Variants in GALNT7 observed in about 807,000 individuals in gnomAD.
The protein encoded by GALNT7 is N-acetylgalactosaminyltransferase 7.
GALNT7 carries 60 observed loss-of-function variants against 82.1 expected under a neutral mutation model. That is an observed-to-expected ratio of 0.73 (90% CI 0.59 to 0.91). The LOEUF (loss-of-function observed/expected upper bound fraction) is 0.91. Ranked by LOEUF, GALNT7 falls within the 40% of genes least tolerant of loss-of-function variation. The pLI, the probability that GALNT7 is intolerant of heterozygous loss-of-function variation, is 0.00. For missense variants in GALNT7, 660 were observed against 804.2 expected (o/e 0.82, Z 2.17); for synonymous variants, 243 against 275.1 (o/e 0.88, Z 1.15).
chr4:173,317,593 A>G, intron 9 of GALNT7, 41 bp from the exon 10 acceptor site: 1 of 1,227,832 alleles, frequency 8.1e-7, no homozygotes, highest in African/African-American at 1.5e-5. Flanking sequence ...ATCAAAAACT[A>G]AACTGTTGCC....
rs747638686 is a variant in GALNT7, at chr4:173,302,195, C to T, written c.1266+31C>T. ...ATTTTATTTCAACAGATGGAATTCT[C>T]CAAGTCGTTACTAACTTCTGTGGCT... On this transcript the variant is annotated intron_variant, in intron 7 of 11. Coordinates refer to ENST00000265000, the MANE Select transcript of GALNT7 (RefSeq NM_017423.3). This position sits in a 1 kb window ranked among gnomAD's most constrained non-coding sequence, Gnocchi z 4.2. 1.2e-5 allele frequency: 12 copies of T among 967,578 alleles called. No individual in the cohort carries two copies. In the Admixed American group the frequency reaches 1.9e-4, roughly 15 times the overall value. 59.9% of individuals were successfully genotyped at this position (967,578 alleles called of 1,614,324 possible).
At chr4:173,294,061 A>G (rs1736632152) in intron 3 of GALNT7, among the ~76,000 whole-genome samples, 1 of 152,220 alleles carries the variant, frequency 6.6e-6, no homozygotes, top group Non-Finnish European at 1.5e-5. Flanking sequence ...GTGAAATACA[A>G]GGAAGCCAGA....
Position 173,189,914 on chromosome 4 carries a change from C to G in GALNT7, c.126+20953C>G, listed in dbSNP as rs143195449. On this transcript the variant is annotated intron_variant, in intron 1 of 11. Transcript: ENST00000265000. ...GTTGATTCTGTTGACTCTGTGTGAA[C>G]TTTAAGGGATAGTAAATATTTGAAG... Among the ~76,000 whole-genome samples, 314 of 151,876 alleles carry G rather than the reference C, an allele frequency of 2.1e-3. 2 individuals carry two copies. The highest frequency in any genetic ancestry group is 7.1e-3 in the African/African-American group (295 of 41,426).
At chr4:173,235,556 C>CTTTTTTTTTTTTTTT in intron 1 of GALNT7, among the ~76,000 whole-genome samples, 1 of 140,796 alleles carries the variant, frequency 7.1e-6, no homozygotes, top group Non-Finnish European at 1.5e-5. Flanking sequence ...CTTTTCTTTT[C>CTTTTTTTTTTTTTTT]TTTTTTTTTT....
chr4:173,201,377 T>A (rs1244464691), intron 1 of GALNT7, among the ~76,000 whole-genome samples: 1 of 152,204 alleles, frequency 6.6e-6, no homozygotes, highest in East Asian at 1.9e-4. Flanking sequence ...TAGGTCCAAA[T>A]ATATAAACCT....
chr4:173,185,988 C>T (rs965447182), intron 1 of GALNT7, among the ~76,000 whole-genome samples: 1 of 152,104 alleles, frequency 6.6e-6, no homozygotes, highest in Non-Finnish European at 1.5e-5. Flanking sequence ...CTTATGAGAG[C>T]TTGGGCATAG....
intron 1 of GALNT7, among the ~76,000 whole-genome samples, chr4:173,174,997 G>A (rs1438712072): frequency 6.6e-6 from 1 of 152,156 alleles, no homozygotes; most frequent in East Asian, 1.9e-4. Flanking sequence ...AATAATTCAC[G>A]AATGAAAAGC....
At chr4:173,232,542 C>T (rs1054210081) in intron 1 of GALNT7, among the ~76,000 whole-genome samples, 1 of 151,944 alleles carries the variant, frequency 6.6e-6, no homozygotes, top group African/African-American at 2.4e-5. Flanking sequence ...AAGCAATCCT[C>T]CCACCTCAGC....
intron 1 of GALNT7, among the ~76,000 whole-genome samples, chr4:173,229,514 G>A (rs966335614): frequency 3.3e-5 from 5 of 152,148 alleles, no homozygotes; most frequent in African/African-American, 1.2e-4. Flanking sequence ...CCTCGACCTA[G>A]AGAGAGTATA....
At position 173,295,081 on chromosome 4, in the gene GALNT7, C is replaced by G. The variant is rs140645484; in HGVS notation, c.755-315C>G. Reference sequence around the variant, plus strand: ...GCAAACAAAATGTTGTTCCTGAAAGCGTTCAGATTTGACATTAACATGTGA... The same window carrying G: ...GCAAACAAAATGTTGTTCCTGAAAGGGTTCAGATTTGACATTAACATGTGA... On this transcript the variant is annotated intron_variant, in intron 3 of 11. Transcript: ENST00000265000. Among the ~76,000 whole-genome samples the G allele has an allele frequency of 2.6e-3, 390 of 152,208 alleles. 3 individuals carry two copies. The highest frequency in any genetic ancestry group is 3.9e-3 in the Non-Finnish European group (266 of 68,008).
intron 8 of GALNT7, among the ~76,000 whole-genome samples, chr4:173,307,661 G>A (rs1297859841): frequency 6.6e-6 from 1 of 152,220 alleles, no homozygotes; most frequent in East Asian, 1.9e-4. Context: ...CCAGGGCCTG[G>A]AGATGGGGCA....
At chr4:173,308,244 G>A (rs1737232606) in intron 8 of GALNT7, among the ~76,000 whole-genome samples, 1 of 152,142 alleles carries the variant, frequency 6.6e-6, no homozygotes, top group Admixed American at 6.5e-5. Flanking sequence ...ATAAAGGCTG[G>A]TGTCTCCTAC....
intron 1 of GALNT7, among the ~76,000 whole-genome samples, chr4:173,180,334 T>TG (rs1435710467): frequency 6.7e-6 from 1 of 148,344 alleles, no homozygotes; most frequent in East Asian, 1.9e-4. Flanking sequence ...TCCTTTTTTT[T>TG]TTTTTTTTTT....
intron 1 of GALNT7, among the ~76,000 whole-genome samples, chr4:173,202,759 A>G: frequency 6.6e-6 from 1 of 152,210 alleles, no homozygotes; most frequent in East Asian, 1.9e-4. Context: ...TAGCAGCTCC[A>G]TGAGATACAT....
chr4:173,271,681 T>C (rs1420926880), intron 2 of GALNT7, among the ~76,000 whole-genome samples: 12 of 152,118 alleles, frequency 7.9e-5, no homozygotes, highest in Non-Finnish European at 1.5e-4. Flanking sequence ...AGTCTCGAAC[T>C]CCTAACCTCA....
In GALNT7 at chr4:173,178,005, GTC is replaced by G. The variant is rs1191500538; in HGVS notation, c.126+9046_126+9047del. On this transcript the variant is annotated intron_variant, in intron 1 of 11. Transcript: ENST00000265000. ...CCTTTCCACCTCTCCCTATCCGCAA[GTC>G]TGTGTGTGTGTGTGTGTGTGTGTGT... 8.7e-5 allele frequency among the ~76,000 whole-genome samples: 10 copies of G among 114,722 alleles called. No individual in the cohort carries two copies. The South Asian group carries it at 1.4e-3, about 16-fold the overall frequency. 75.3% of individuals were successfully genotyped at this position (114,722 alleles called of 152,430 possible).
intron 1 of GALNT7, among the ~76,000 whole-genome samples, chr4:173,173,531 G>T (rs953552109): frequency 6.6e-6 from 1 of 152,168 alleles, no homozygotes; most frequent in African/African-American, 2.4e-5. Context: ...TCCACAGACT[G>T]GGGGAGTTGG....
chr4:173,302,187 G>A lies in GALNT7; in HGVS notation c.1266+23G>A. The A allele has an allele frequency of 9.8e-7, 1 of 1,019,050 alleles. No homozygotes were observed. The highest frequency in any genetic ancestry group is 1.6e-6 in the Non-Finnish European group (1 of 638,398). 63.1% of individuals were successfully genotyped at this position (1,019,050 alleles called of 1,614,324 possible). A position where few individuals can be genotyped will look rare whatever the true frequency, so the allele number is the denominator to read the frequency against. On this transcript the variant is annotated intron_variant, in intron 7 of 11. Coordinates refer to ENST00000265000, the MANE Select transcript of GALNT7 (RefSeq NM_017423.3). This position sits in a 1 kb window ranked among gnomAD's most constrained non-coding sequence, Gnocchi z 4.2. The stretch of plus-strand genomic sequence containing the variant: ...AAGGTAACATTTTATTTCAACAGAT[G>A]GAATTCTCCAAGTCGTTACTAACTT...
intron 2 of GALNT7, among the ~76,000 whole-genome samples, chr4:173,276,393 G>A (rs1195248083): frequency 6.6e-6 from 1 of 152,044 alleles, no homozygotes; most frequent in East Asian, 1.9e-4. Flanking sequence ...ATTGGAAAAA[G>A]GTAACTAGGT....
Sources: allele counts gnomAD v4.1 joint callset (sites outside exome capture counted in the v4.1 genomes callset), GRCh38; gene constraint gnomAD v4.1.1; non-coding constraint Gnocchi (gnomAD v3.1); transcripts MANE v1.5; gene names NCBI Gene and HGNC (gene_info 2026-07-23, HGNC 2026-07-21).